Variants in PRPH observed in about 807,000 individuals in gnomAD.
PRPH encodes the protein peripherin.
PRPH carries 48 observed loss-of-function variants against 52.6 expected under a neutral mutation model. That is an observed-to-expected ratio of 0.91 (90% confidence interval 0.72 to 1.16). The LOEUF (loss-of-function observed/expected upper bound fraction) is 1.16. Ranked by LOEUF, PRPH falls within the 50% of genes most tolerant of loss-of-function variation. PRPH has a pLI of 0.00. For missense variants in PRPH, 579 were observed against 635.7 expected, an observed-to-expected ratio of 0.91 and a Z score of 0.96; for synonymous variants, 279 against 283.8, an observed-to-expected ratio of 0.98 and a Z score of 0.17.
chr12:49,296,789 T>G lies in PRPH; in HGVS notation c.703-100T>G. 6.7e-7 allele frequency: 1 copy of G among 1,503,632 alleles called. No homozygotes were observed. The highest frequency in any genetic ancestry group is 9.0e-7 in the Non-Finnish European group (1 of 1,114,128). 93.1% of individuals were successfully genotyped at this position (1,503,632 alleles called of 1,614,324 possible). On this transcript the variant is annotated intron_variant, in intron 3 of 8. Transcript: ENST00000257860. The surrounding 1 kb of genome is among the most constrained non-coding windows in gnomAD (Gnocchi z 5.1). ...ACGCCCTGCCCTCCCTGGCGCCCAC[T>G]TCTGTTCGTTCAAGCGTTTCTTCTC...
Position 49,295,579 on chromosome 12 carries a change from G to C in PRPH, c.379G>C (p.Gly127Arg), listed in dbSNP as rs775482707. 1.3e-5 allele frequency: 20 copies of C among 1,560,668 alleles called. No homozygotes were observed. The highest frequency in any genetic ancestry group is 1.6e-5 in the Non-Finnish European group (18 of 1,152,986). Residue 127 changes from glycine (G) to arginine (R), a missense_variant, in exon 1 of 9, where the codon GGG becomes CGG. Transcript: ENST00000257860. ...FLEQQNAALR[G>R]ELSQARGQEP... Reference sequence around the variant, plus strand: ...GGAGCAGCAGAACGCGGCCCTGCGCGGGGAGCTGAGCCAAGCCCGGGGCCA... The same window carrying C: ...GGAGCAGCAGAACGCGGCCCTGCGCCGGGAGCTGAGCCAAGCCCGGGGCCA...
chr12:49,297,386 G>C lies in PRPH; in HGVS notation c.1026G>C (p.Glu342Asp). 3.1e-6 allele frequency: 5 copies of C among 1,613,608 alleles called. No individual in the cohort carries two copies. Among genetic ancestry groups the C allele is most frequent in the Non-Finnish European group, 4.2e-6 (5 of 1,179,932 alleles). The change falls in exon 6 of 9, where the codon GAG becomes GAC. Residue 342 changes from glutamate to aspartate, a missense_variant. Coordinates refer to ENST00000257860, the MANE Select transcript of PRPH (RefSeq NM_006262.4). This position sits in a 1 kb window ranked among gnomAD's most constrained non-coding sequence, Gnocchi z 4.4. ...AGGCGCTGCTCAGGCAGTTGAGAGA[G>C]CTGGAGGAGCAGTTCGCCCTGGAGG... The part of the protein sequence containing the change: ...TNEALLRQLR[E>D]LEEQFALEAG...
In PRPH at chr12:49,298,585, T is replaced by C. The variant is rs1592298812; in HGVS notation, c.*232T>C. 1.4e-5 allele frequency: 8 copies of C among 561,040 alleles called. No individual in the cohort carries two copies. The East Asian group carries it at 2.4e-4, about 17-fold the overall frequency. 34.8% of individuals were successfully genotyped at this position (561,040 alleles called of 1,614,324 possible). On this transcript the variant is annotated 3_prime_UTR_variant, in exon 9 of 9. Coordinates refer to ENST00000257860, the MANE Select transcript of PRPH (RefSeq NM_006262.4). ...TTTTCATGTCCCGATAAGAAGCCAA[T>C]GATCCCCCCTCAGGACAAATCTACT... is the stretch of plus-strand genomic sequence containing the variant.
chr12:49,297,480 C>T lies in PRPH; in HGVS notation c.1120C>T (p.Arg374Trp), dbSNP rs1478337414. The T allele has an allele frequency of 3.7e-6, 6 of 1,612,514 alleles. No individual in the cohort carries two copies. In the African/African-American group the frequency reaches 5.3e-5, roughly 14 times the overall value. Reference sequence around the variant, plus strand: ...GCGACAGCTAAAAGAGGAGATGGCGCGGCACCTGAGGGAGTACCAGGAGCT... The same window carrying T: ...GCGACAGCTAAAAGAGGAGATGGCGTGGCACCTGAGGGAGTACCAGGAGCT... The part of the protein sequence containing the change: ...ELRQLKEEMA[R>W]HLREYQELLN... Residue 374 changes from arginine to tryptophan, a missense_variant, in exon 6 of 9, where the codon CGG becomes TGG. Arg to Trp is a moderately radical substitution (Grantham distance 101). Coordinates refer to ENST00000257860, the MANE Select transcript of PRPH (RefSeq NM_006262.4). This position sits in a 1 kb window ranked among gnomAD's most constrained non-coding sequence, Gnocchi z 4.4.
At position 49,297,359 on chromosome 12, in the gene PRPH, C is replaced by T; in HGVS notation, c.999C>T (p.Asn333=). 1 of 1,613,714 alleles carries T rather than the reference C, an allele frequency of 6.2e-7. No individual in the cohort carries two copies. The change falls in exon 6 of 9, where the codon AAC becomes AAT. Residue 333 remains asparagine (N), a splice_region_variant and synonymous_variant. Coordinates refer to ENST00000257860, the MANE Select transcript of PRPH (RefSeq NM_006262.4). The surrounding 1 kb of genome is among the most constrained non-coding windows in gnomAD (Gnocchi z 4.4). ...CCCCTTCCACTCTCCTACCCCAGAACGAGGCGCTGCTCAGGCAGTTGAGAG... is the reference window on the plus strand; with the variant it reads ...CCCCTTCCACTCTCCTACCCCAGAATGAGGCGCTGCTCAGGCAGTTGAGAG... ...TCEVDGLRGT[N]EALLRQLREL... is the part of the protein sequence containing the mutation.
At position 49,295,393 on chromosome 12, in the gene PRPH, G is replaced by A. The variant is rs1174211960; in HGVS notation, c.193G>A (p.Ala65Thr). 6.2e-7 allele frequency: 1 copy of A among 1,605,620 alleles called. No individual in the cohort carries two copies. The highest frequency in any genetic ancestry group is 8.5e-7 in the Non-Finnish European group (1 of 1,177,052). Residue 65 changes from alanine (A) to threonine (T), a missense_variant, in exon 1 of 9, where the codon GCG becomes ACG. Coordinates refer to ENST00000257860, the MANE Select transcript of PRPH (RefSeq NM_006262.4). ...VRLGSFRSPR[A>T]GAGALLRLPS... ...CCTGGGCAGCTTCCGTAGCCCCCGA[G>A]CGGGAGCGGGCGCCCTCCTGCGCCT...
intron 1 of PRPH, chr12:49,295,949 A>G: frequency 6.9e-7 from 1 of 1,443,322 alleles, no homozygotes; most frequent in Non-Finnish European, 9.1e-7. Context: ...GTGTTTGGGG[A>G]GGTGGGAGAA....
rs763608471 is a variant in PRPH at position 49,297,592 on chromosome 12, G to T, written c.1217+15G>T. On this transcript the variant is annotated intron_variant, in intron 6 of 8. Coordinates refer to ENST00000257860, the MANE Select transcript of PRPH (RefSeq NM_006262.4). The surrounding 1 kb of genome is among the most constrained non-coding windows in gnomAD (Gnocchi z 4.4). ...GAGGAGAGCCGGTGAGGGTGGAGCT[G>T]CTGGGGCGGGGCAGGGCGGGGTCGG... 5 of 1,610,340 alleles carry T rather than the reference G, an allele frequency of 3.1e-6. No homozygotes were observed. In the Middle Eastern group the frequency reaches 6.1e-4, roughly 198 times the overall value.
chr12:49,297,334 C>A lies in PRPH; in HGVS notation c.997-23C>A, dbSNP rs778891245. ...GGACGATGAAATGTTCTGCAACTGG[C>A]CCCTTCCACTCTCCTACCCCAGAAC... On this transcript the variant is annotated intron_variant, in intron 5 of 8. Coordinates refer to ENST00000257860, the MANE Select transcript of PRPH (RefSeq NM_006262.4). The surrounding 1 kb of genome is among the most constrained non-coding windows in gnomAD (Gnocchi z 4.4). The A allele has an allele frequency of 6.2e-6, 10 of 1,613,520 alleles. No individual in the cohort carries two copies. The highest frequency in any genetic ancestry group is 8.5e-6 in the Non-Finnish European group (10 of 1,179,994).
At position 49,295,574 on chromosome 12, in the gene PRPH, T is replaced by C; in HGVS notation, c.374T>C (p.Leu125Pro). Residue 125 changes from leucine (L) to proline (P), a missense_variant, in exon 1 of 9, where the codon CTG (leucine) becomes CCG (proline). Leu to Pro is a moderately conservative substitution (Grantham distance 98). Coordinates refer to ENST00000257860, the MANE Select transcript of PRPH (RefSeq NM_006262.4). Reference sequence around the variant, plus strand: ...TTTCTGGAGCAGCAGAACGCGGCCCTGCGCGGGGAGCTGAGCCAAGCCCGG... The same window carrying C: ...TTTCTGGAGCAGCAGAACGCGGCCCCGCGCGGGGAGCTGAGCCAAGCCCGG... ...VRFLEQQNAA[L>P]RGELSQARGQ... The C allele has an allele frequency of 6.4e-7, 1 of 1,563,532 alleles. No homozygotes were observed. The highest frequency in any genetic ancestry group is 8.7e-7 in the Non-Finnish European group (1 of 1,154,416).
rs1171050413 is a variant in PRPH at position 49,296,137 on chromosome 12, G to T, written c.546-41G>T. On this transcript the variant is annotated intron_variant, in intron 1 of 8. Coordinates refer to ENST00000257860, the MANE Select transcript of PRPH (RefSeq NM_006262.4). This position sits in a 1 kb window ranked among gnomAD's most constrained non-coding sequence, Gnocchi z 5.1. ...GTGCGGTCTGGGGTGCGAGCTGGGC[G>T]GCGACCCCGCAGTTCAGCCTCTGCA... The T allele has an allele frequency of 6.3e-7, 1 of 1,598,938 alleles. No homozygotes were observed. The highest frequency in any genetic ancestry group is 8.5e-7 in the Non-Finnish European group (1 of 1,173,922).
Position 49,297,509 on chromosome 12 carries a change from C to T in PRPH, c.1149C>T (p.Leu383=), listed in dbSNP as rs1437644239. ...ACCTGAGGGAGTACCAGGAGCTCCT[C>T]AACGTCAAGATGGCCCTGGACATCG... The part of the protein sequence containing the change: ...ARHLREYQEL[L]NVKMALDIEI... The change falls in exon 6 of 9, where the codon CTC becomes CTT. Residue 383 remains leucine, a synonymous_variant. Transcript: ENST00000257860. The surrounding 1 kb of genome is among the most constrained non-coding windows in gnomAD (Gnocchi z 4.4). The T allele has an allele frequency of 1.2e-6, 2 of 1,610,680 alleles. No individual in the cohort carries two copies. Among genetic ancestry groups the T allele is most frequent in the Non-Finnish European group, 1.7e-6 (2 of 1,179,314 alleles).
In PRPH at chr12:49,297,807, C is replaced by G; in HGVS notation, c.1267+81C>G. On this transcript the variant is annotated intron_variant, in intron 7 of 8. Coordinates refer to ENST00000257860, the MANE Select transcript of PRPH (RefSeq NM_006262.4). This position sits in a 1 kb window ranked among gnomAD's most constrained non-coding sequence, Gnocchi z 4.4. ...TCTTGCTCTGGCTCACCTCAGGGAT[C>G]TCTTCTCCCCACGGAACTTCTGGGT... is the stretch of plus-strand genomic sequence containing the variant. The G allele has an allele frequency of 6.2e-7, 1 of 1,603,538 alleles. No individual in the cohort carries two copies. The highest frequency in any genetic ancestry group is 1.1e-5 in the South Asian group (1 of 90,840).
In PRPH at chr12:49,295,680, C is replaced by T. The variant is rs754468587; in HGVS notation, c.480C>T (p.Arg160=). 2.6e-6 allele frequency: 4 copies of T among 1,533,680 alleles called. No homozygotes were observed. Among genetic ancestry groups the T allele is most frequent in the Non-Finnish European group, 3.5e-6 (4 of 1,143,984 alleles). The part of the protein sequence containing the change: ...ELRRELELLG[R]ERDRVQVERD... The stretch of plus-strand genomic sequence containing the variant: ...GGCGAGAGCTGGAGCTGTTGGGCCG[C>T]GAGCGTGACCGGGTGCAGGTGGAGC... Residue 160 remains arginine, a synonymous_variant, in exon 1 of 9, where the codon CGC becomes CGT. Coordinates refer to ENST00000257860, the MANE Select transcript of PRPH (RefSeq NM_006262.4).
Position 49,296,423 on chromosome 12 carries a change from C to T in PRPH, c.607-9C>T. 2 of 1,613,632 alleles carry T rather than the reference C, an allele frequency of 1.2e-6. No homozygotes were observed. Among genetic ancestry groups the T allele is most frequent in the Non-Finnish European group, 1.7e-6 (2 of 1,179,554 alleles). ...ACTTATCTTGAACCTCCACTGCCAC[C>T]CCTCGAAGGACGTGGACGATGCCAC... On this transcript the variant is annotated splice_polypyrimidine_tract_variant and intron_variant, in intron 2 of 8. Coordinates refer to ENST00000257860, the MANE Select transcript of PRPH (RefSeq NM_006262.4). The surrounding 1 kb of genome is among the most constrained non-coding windows in gnomAD (Gnocchi z 5.1).
At chr12:49,295,828 C>G in intron 1 of PRPH, 83 bp downstream of exon 1, 1 of 1,437,288 alleles carries the variant, frequency 7.0e-7, no homozygotes, top group Non-Finnish European at 9.1e-7. Context: ...CCCCTCGCTT[C>G]CCCTCTCCAT....
rs1418443677 is a variant in PRPH, at chr12:49,298,236, T to C, written c.1348-52T>C. ...GGCTCTATGATCCAAAGGAGTAGGA[T>C]GGAGGGTGGCGCTGAATGGCTTGTG... On this transcript the variant is annotated intron_variant, in intron 8 of 8. Coordinates refer to ENST00000257860, the MANE Select transcript of PRPH (RefSeq NM_006262.4). 6 of 1,607,482 alleles carry C rather than the reference T, an allele frequency of 3.7e-6. No homozygotes were observed. In the South Asian group the frequency reaches 5.5e-5, roughly 15 times the overall value.
In PRPH at chr12:49,296,528, G is replaced by T. The variant is rs773959229; in HGVS notation, c.702+1G>T. 1.2e-6 allele frequency: 2 copies of T among 1,613,848 alleles called. No homozygotes were observed. The highest frequency in any genetic ancestry group is 4.5e-5 in the East Asian group (2 of 44,888). On this transcript the variant is annotated splice_donor_variant, in intron 3 of 8. Coordinates refer to ENST00000257860, the MANE Select transcript of PRPH (RefSeq NM_006262.4). LOFTEE classifies it high-confidence loss of function. The surrounding 1 kb of genome is among the most constrained non-coding windows in gnomAD (Gnocchi z 5.1). ...GTTCCTCAAGAAGCTGCACGAGGAGGTAAGTGGGCCCGGTATCAGGGGCGG... is the reference window on the plus strand; with the variant it reads ...GTTCCTCAAGAAGCTGCACGAGGAGTTAAGTGGGCCCGGTATCAGGGGCGG...
rs1416896252 is a variant in PRPH, at chr12:49,298,462, C to G, written c.*109C>G. On this transcript the variant is annotated 3_prime_UTR_variant, in exon 9 of 9. Coordinates refer to ENST00000257860, the MANE Select transcript of PRPH (RefSeq NM_006262.4). The stretch of plus-strand genomic sequence containing the variant: ...CTCTGCATGTGTCTAAAAGGTGGTA[C>G]CAGGCATCCCTTTCCTGGCTTATGG... 1.6e-6 allele frequency: 2 copies of G among 1,249,182 alleles called. No individual in the cohort carries two copies. Among genetic ancestry groups the G allele is most frequent in the African/African-American group, 3.0e-5 (2 of 67,544 alleles). 77.4% of individuals were successfully genotyped at this position (1,249,182 alleles called of 1,614,324 possible). A position where few individuals can be genotyped will look rare whatever the true frequency, so the allele number is the denominator to read the frequency against.
Sources: allele counts gnomAD v4.1 joint callset, GRCh38; gene constraint gnomAD v4.1.1; non-coding constraint Gnocchi (gnomAD v3.1); transcripts MANE v1.5; gene names NCBI Gene and HGNC (gene_info 2026-07-23, HGNC 2026-07-21).